Variants in ZBTB20 observed in about 807,000 individuals in gnomAD.
The protein encoded by ZBTB20 is zinc finger and BTB domain-containing protein 20.
In ZBTB20, 9 loss-of-function variants were observed where a neutral mutation model predicts 56.9. That is an observed-to-expected ratio of 0.16 (90% CI 0.10 to 0.28). The LOEUF (loss-of-function observed/expected upper bound fraction) is 0.28. Among genes scored for constraint, ZBTB20 ranks in the 10% least tolerant of loss-of-function variants. ZBTB20 has a pLI of 1.00. For missense variants in ZBTB20, 655 were observed against 1,003.0 expected (o/e 0.65, Z 4.69); for synonymous variants, 417 against 420.7 (o/e 0.99, Z 0.11).
intron 7 of ZBTB20, among the ~76,000 whole-genome samples, chr3:114,396,289 G>A (rs1020460673): frequency 2.0e-5 from 3 of 151,858 alleles, no homozygotes; most frequent in Non-Finnish European, 2.9e-5. Flanking sequence ...GTGGTAAATG[G>A]AAAAAAAGGT....
chr3:115,056,734 G>C (rs913816383), intron 2 of ZBTB20, among the ~76,000 whole-genome samples: 9 of 152,036 alleles, frequency 5.9e-5, no homozygotes, highest in African/African-American at 1.7e-4. Flanking sequence ...CTACCTAGTT[G>C]TTTAATAGTC....
chr3:114,723,263 A>C (rs968278772), intron 5 of ZBTB20, among the ~76,000 whole-genome samples: 1 of 152,164 alleles, frequency 6.6e-6, no homozygotes, highest in African/African-American at 2.4e-5. Context: ...GGTCCTTCCA[A>C]ACCCCACAGC....
At chr3:114,493,139 T>G (rs867874288) in intron 7 of ZBTB20, among the ~76,000 whole-genome samples, 2 of 152,204 alleles carry the variant, frequency 1.3e-5, no homozygotes, top group African/African-American at 4.8e-5. Flanking sequence ...TACATCATCT[T>G]GAGATTAGCT....
In ZBTB20 at chr3:114,532,721, A is replaced by T. The variant is rs1033589838; in HGVS notation, c.-294-32330T>A. Among the ~76,000 whole-genome samples, 6 of 152,110 alleles carry T rather than the reference A, an allele frequency of 3.9e-5. No homozygotes were observed. In the East Asian group the frequency reaches 1.2e-3, roughly 29 times the overall value. On this transcript the variant is annotated intron_variant, in intron 6 of 11. Coordinates refer to ENST00000675478, the MANE Select transcript of ZBTB20 (RefSeq NM_001348800.3). Reference sequence around the variant, plus strand: ...GACACCTCCCAGCAGGGGTCAATAGACAGCTCATACAGGAGAGCTCTGGGT... The same window carrying T: ...GACACCTCCCAGCAGGGGTCAATAGTCAGCTCATACAGGAGAGCTCTGGGT...
At chr3:114,841,074 C>T (rs2074364631) in intron 4 of ZBTB20, among the ~76,000 whole-genome samples, 1 of 152,092 alleles carries the variant, frequency 6.6e-6, no homozygotes, top group South Asian at 2.1e-4. Context: ...TTGTGTTAGG[C>T]ACTAAAGACG....
rs538584640 is a variant in ZBTB20 at position 114,709,455 on chromosome 3, C to T, written c.-342-15880G>A. ...TTTAGGCAGAGATGTGGAGAAAATC[C>T]GAGCCATGACACTTAAGAATGAACT... On this transcript the variant is annotated intron_variant, in intron 5 of 11. Coordinates refer to ENST00000675478, the MANE Select transcript of ZBTB20 (RefSeq NM_001348800.3). Among the ~76,000 whole-genome samples, 8 of 152,200 alleles carry T rather than the reference C, an allele frequency of 5.3e-5. 1 individual carries two copies. Among genetic ancestry groups the T allele is most frequent in the South Asian group, 2.1e-4 (1 of 4,822 alleles).
intron 6 of ZBTB20, among the ~76,000 whole-genome samples, chr3:114,576,794 C>CAAGAG (rs1553756767): frequency 4.6e-5 from 7 of 151,214 alleles, no homozygotes; most frequent in African/African-American, 1.7e-4. Flanking sequence ...TCAAAAAAGA[C>CAAGAG]AGAGAGTGAG....
At chr3:114,656,111 T>C (rs2060394068) in intron 6 of ZBTB20, among the ~76,000 whole-genome samples, 1 of 152,196 alleles carries the variant, frequency 6.6e-6, no homozygotes, top group Admixed American at 6.5e-5. Flanking sequence ...TTCTTTTCAA[T>C]CATTAAGAAA....
At chr3:114,635,251 C>A (rs1344007670) in intron 6 of ZBTB20, among the ~76,000 whole-genome samples, 1 of 152,184 alleles carries the variant, frequency 6.6e-6, no homozygotes. Flanking sequence ...TGTAAAGGGC[C>A]TTGCCCCCAG....
intron 3 of ZBTB20, among the ~76,000 whole-genome samples, chr3:114,939,750 C>T (rs2076665336): frequency 6.9e-6 from 1 of 145,714 alleles, no homozygotes; most frequent in African/African-American, 2.8e-5. Context: ...CCTACAATAC[C>T]AGCACTTTGG....
chr3:114,765,612 C>A (rs767186303), intron 5 of ZBTB20, among the ~76,000 whole-genome samples: 1 of 151,906 alleles, frequency 6.6e-6, no homozygotes, highest in African/African-American at 2.4e-5. Flanking sequence ...TTTAAACAAC[C>A]CAATTTATGA....
At chr3:114,772,027 T>G (rs1695550989) in intron 5 of ZBTB20, among the ~76,000 whole-genome samples, 1 of 152,196 alleles carries the variant, frequency 6.6e-6, no homozygotes, top group East Asian at 1.9e-4. Context: ...CTTGAGATTT[T>G]TCTGTTTCCT....
intron 6 of ZBTB20, among the ~76,000 whole-genome samples, chr3:114,650,275 T>C (rs1485985002): frequency 1.3e-5 from 2 of 151,884 alleles, no homozygotes; most frequent in African/African-American, 4.8e-5. Flanking sequence ...TGAAAGACCA[T>C]TGAAAAGTAG....
At chr3:114,496,964 G>C (rs1052384730) in intron 7 of ZBTB20, among the ~76,000 whole-genome samples, 1 of 152,180 alleles carries the variant, frequency 6.6e-6, no homozygotes, top group African/African-American at 2.4e-5. Flanking sequence ...CTGGTGACCA[G>C]GGGGCAGTAG....
chr3:115,070,175 C>T (rs1319762319), intron 2 of ZBTB20, among the ~76,000 whole-genome samples: 1 of 152,074 alleles, frequency 6.6e-6, no homozygotes, highest in African/African-American at 2.4e-5. Context: ...ATCCTTCCAG[C>T]TTTTTACATT....
chr3:114,965,104 T>C (rs1371805541), intron 3 of ZBTB20, among the ~76,000 whole-genome samples: 4 of 152,122 alleles, frequency 2.6e-5, no homozygotes, highest in Non-Finnish European at 5.9e-5. Context: ...AATCTGCAAA[T>C]AATTAAATGT....
intron 6 of ZBTB20, among the ~76,000 whole-genome samples, chr3:114,676,404 T>G (rs2061627950): frequency 6.6e-6 from 1 of 152,306 alleles, no homozygotes; most frequent in Non-Finnish European, 1.5e-5. Context: ...AGATAATGTA[T>G]GTTGGAGCTC....
intron 7 of ZBTB20, among the ~76,000 whole-genome samples, chr3:114,495,275 C>T (rs2043159004): frequency 1.3e-5 from 2 of 152,070 alleles, no homozygotes; most frequent in South Asian, 2.1e-4. Flanking sequence ...TATCTTAAAG[C>T]GTGAATGTGG....
intron 1 of ZBTB20, among the ~76,000 whole-genome samples, chr3:115,098,355 G>T (rs2083454184): frequency 6.6e-6 from 1 of 152,112 alleles, no homozygotes; most frequent in African/African-American, 2.4e-5. Context: ...AGGTGCATGA[G>T]ACATGTACAC....
Sources: gnomAD v4.1 joint callset for allele counts (sites outside exome capture counted in the v4.1 genomes callset) on GRCh38, gnomAD v4.1.1 for gene constraint, MANE v1.5 for transcripts, NCBI Gene and HGNC (gene_info 2026-07-23, HGNC 2026-07-21) for gene names.